Variants in FOXP1 observed in about 807,000 individuals in gnomAD.
FOXP1 encodes forkhead box protein P1.
FOXP1 carries 15 observed loss-of-function variants against 98.2 expected under a neutral mutation model. That is an observed-to-expected ratio of 0.15 (90% CI 0.10 to 0.24). The LOEUF is 0.24. Among genes scored for constraint, FOXP1 ranks in the 10% least tolerant of loss-of-function variants. FOXP1 has a pLI of 1.00. For synonymous variants in FOXP1, 371 were observed against 314.5 expected (o/e 1.18, Z -1.90); for missense variants, 633 against 848.5 (o/e 0.75, Z 3.15).
At chr3:71,372,170 T>C (rs1001633135) in intron 3 of FOXP1, among the ~76,000 whole-genome samples, 4 of 141,262 alleles carry the variant, frequency 2.8e-5, no homozygotes, top group African/African-American at 5.5e-5. Flanking sequence ...GCACCACCAT[T>C]CCTGGCTAAT....
At chr3:71,197,927 GAC>G in intron 6 of FOXP1, 1 of 1,614,204 alleles carries the variant, frequency 6.2e-7, no homozygotes, top group Non-Finnish European at 8.5e-7. Context: ...GGGTTAGGCT[GAC>G]ACACAGGTCC....
At chr3:71,211,688 G>T (rs1170846792) in intron 5 of FOXP1, among the ~76,000 whole-genome samples, 3 of 152,108 alleles carry the variant, frequency 2.0e-5, no homozygotes, top group Admixed American at 2.0e-4. Context: ...GATTGGGAAG[G>T]ACTGATTTTT....
chr3:71,050,567 T>C (rs1185996424), intron 9 of FOXP1, among the ~76,000 whole-genome samples: 2 of 152,168 alleles, frequency 1.3e-5, no homozygotes, highest in African/African-American at 2.4e-5. Flanking sequence ...TAATTCTTAT[T>C]CTCCCTTTTG....
intron 3 of FOXP1, among the ~76,000 whole-genome samples, chr3:71,379,012 C>T (rs1195355340): frequency 6.6e-6 from 1 of 152,070 alleles, no homozygotes; most frequent in Non-Finnish European, 1.5e-5. Context: ...GGTCTCAGAA[C>T]TTCTTCTTTT....
At position 71,236,885 on chromosome 3, in the gene FOXP1, A is replaced by G. The variant is rs114012200; in HGVS notation, c.-11-38493T>C. On this transcript the variant is annotated intron_variant, in intron 5 of 20. Coordinates refer to ENST00000649528, the MANE Select transcript of FOXP1 (RefSeq NM_001349338.3). ...GAGATCCTGTCTTAAGGAAAAAAAAAAGAAAAAGAAAAAGAAAAAAATAAA... is the reference window on the plus strand; with the variant it reads ...GAGATCCTGTCTTAAGGAAAAAAAAGAGAAAAAGAAAAAGAAAAAAATAAA... 3.3e-3 allele frequency among the ~76,000 whole-genome samples: 499 copies of G among 151,804 alleles called. 5 individuals carry two copies. Among genetic ancestry groups the G allele is most frequent in the African/African-American group, 0.011 (459 of 41,444 alleles).
chr3:71,001,979 A>T (rs1308647074), intron 12 of FOXP1, among the ~76,000 whole-genome samples: 1 of 152,172 alleles, frequency 6.6e-6, no homozygotes, highest in Non-Finnish European at 1.5e-5. Context: ...TACAATTTGG[A>T]TGTAAGATAA....
At chr3:71,319,144 T>C (rs769015643) in intron 4 of FOXP1, among the ~76,000 whole-genome samples, 1 of 152,148 alleles carries the variant, frequency 6.6e-6, no homozygotes, top group Middle Eastern at 3.2e-3. Flanking sequence ...TTGATAGAAA[T>C]CTTTGTCAAA....
intron 6 of FOXP1, chr3:71,130,541 C>T (rs1575915159): frequency 6.3e-7 from 1 of 1,598,392 alleles, no homozygotes; most frequent in South Asian, 1.1e-5. Context: ...TACTGTCTGC[C>T]TTTGGATTTC....
intron 3 of FOXP1, among the ~76,000 whole-genome samples, chr3:71,415,327 AT>A (rs35272489): frequency 0.41 from 62,118 of 152,012 alleles, 14,409 homozygotes; most frequent in Non-Finnish European, 0.54. Flanking sequence ...TTTCAGTATA[AT>A]TTTTTAATCT....
intron 2 of FOXP1, among the ~76,000 whole-genome samples, chr3:71,496,602 A>G (rs2091427763): frequency 6.6e-6 from 1 of 152,162 alleles, no homozygotes; most frequent in South Asian, 2.1e-4. Flanking sequence ...CGGGCGGATC[A>G]CGAGGTCAGG....
intron 5 of FOXP1, among the ~76,000 whole-genome samples, chr3:71,214,248 A>C (rs2064742709): frequency 6.6e-6 from 1 of 152,224 alleles, no homozygotes; most frequent in Admixed American, 6.5e-5. Context: ...CCCATGGGGA[A>C]GTGCTGAGCC....
At chr3:71,203,871 T>C (rs1327490898) in intron 5 of FOXP1, among the ~76,000 whole-genome samples, 2 of 150,426 alleles carry the variant, frequency 1.3e-5, no homozygotes, top group East Asian at 2.0e-4. Flanking sequence ...TGTTCATCCA[T>C]GTGCAGAGAA....
intron 3 of FOXP1, among the ~76,000 whole-genome samples, chr3:71,370,319 T>C (rs947976628): frequency 2.0e-5 from 3 of 152,198 alleles, no homozygotes; most frequent in Non-Finnish European, 4.4e-5. Flanking sequence ...CACTTGTTTT[T>C]CTATCAGTGA....
chr3:71,307,737 C>A (rs926820352), intron 4 of FOXP1, among the ~76,000 whole-genome samples: 2 of 152,188 alleles, frequency 1.3e-5, no homozygotes, highest in African/African-American at 4.8e-5. Context: ...GGTAGTTATG[C>A]TTCCCAGCTC....
chr3:71,509,319 G>A (rs2042035242), intron 2 of FOXP1, among the ~76,000 whole-genome samples: 1 of 152,130 alleles, frequency 6.6e-6, no homozygotes, highest in Non-Finnish European at 1.5e-5. Flanking sequence ...TCCACAGGGT[G>A]GGTTTCTCCT....
intron 13 of FOXP1, among the ~76,000 whole-genome samples, chr3:71,000,193 A>G (rs2041932184): frequency 6.6e-6 from 1 of 152,154 alleles, no homozygotes; most frequent in Non-Finnish European, 1.5e-5. Flanking sequence ...ATTTAAAAAA[A>G]AAGGCCCCAT....
intron 11 of FOXP1, among the ~76,000 whole-genome samples, chr3:71,020,035 A>C (rs959915171): frequency 1.3e-5 from 2 of 152,218 alleles, no homozygotes; most frequent in Non-Finnish European, 2.9e-5. Flanking sequence ...AAGCTACATG[A>C]GAAACTATCG....
intron 7 of FOXP1, among the ~76,000 whole-genome samples, chr3:71,088,035 C>T (rs911313917): frequency 9.9e-5 from 15 of 152,194 alleles, no homozygotes; most frequent in Admixed American, 9.2e-4. Flanking sequence ...TAAGCCAGGG[C>T]TGTAAGACTA....
intron 1 of FOXP1, 142 bp from the exon 2 acceptor site, chr3:71,581,839 G>A (rs1358433640): frequency 1.0e-6 from 1 of 986,302 alleles, no homozygotes; most frequent in Non-Finnish European, 1.2e-6. Context: ...GCGAGTGCGC[G>A]TGGAGGGAAG....
Sources: allele counts gnomAD v4.1 joint callset (sites outside exome capture counted in the v4.1 genomes callset), GRCh38; gene constraint gnomAD v4.1.1; transcripts MANE v1.5; gene names NCBI Gene and HGNC (gene_info 2026-07-23, HGNC 2026-07-21).